HSPH1: variants seen among roughly 807,000 people sequenced by gnomAD.
HSPH1 encodes heat shock protein family H (Hsp110) member 1.
In HSPH1, 40 loss-of-function variants were observed where a neutral mutation model predicts 100.0. The observed-to-expected ratio is 0.40, with a 90% confidence interval of 0.31 to 0.52. The LOEUF is 0.52. Ranked by LOEUF, HSPH1 falls within the 20% of genes least tolerant of loss-of-function variation. The pLI, the probability that HSPH1 is intolerant of heterozygous loss-of-function variation, is 0.54. For missense variants in HSPH1, 876 were observed against 1,015.1 expected, an observed-to-expected ratio of 0.86 and a Z score of 1.86; for synonymous variants, 403 against 344.0, an observed-to-expected ratio of 1.17 and a Z score of -1.90.
At position 31,145,604 on chromosome 13, in the gene HSPH1, C is replaced by G; in HGVS notation, c.1543G>C (p.Glu515Gln). 2 of 1,613,564 alleles carry G rather than the reference C, an allele frequency of 1.2e-6. No individual in the cohort carries two copies. The highest frequency in any genetic ancestry group is 1.7e-6 in the Non-Finnish European group (2 of 1,179,738). The change falls in exon 11 of 18, where the codon GAG becomes CAG. Residue 515 changes from glutamate to glutamine, a missense_variant. Coordinates refer to ENST00000320027, the MANE Select transcript of HSPH1 (RefSeq NM_006644.4). Reference protein sequence around the residue: ...ENEMSSEADMECLNQRPPENP... With the variant: ...ENEMSSEADMQCLNQRPPENP... ...TCTGGTGGTCTCTGATTCAGACACT[C>G]CATGTCAGCTTCAGAAGACATTTCA... is the stretch of plus-strand genomic sequence containing the variant.
In HSPH1 at chr13:31,161,541, G is replaced by A; in HGVS notation, c.42C>T (p.Tyr14=). The A allele has an allele frequency of 6.2e-7, 1 of 1,613,966 alleles. No homozygotes were observed. The highest frequency in any genetic ancestry group is 1.1e-5 in the South Asian group (1 of 91,082). The change falls in exon 1 of 18, where the codon TAC becomes TAT. Residue 14 remains tyrosine, a synonymous_variant. Transcript: ENST00000320027. The stretch of plus-strand genomic sequence containing the variant: ...TGCCCCCGGCCCGGGCTACCGCGAT[G>A]TAGCAGCTCTGCGAGCCCACGTCCA... ...VGLDVGSQSC[Y]IAVARAGGIE... is the part of the protein sequence containing the mutation.
chr13:31,162,121 A>G, upstream of HSPH1: 1 of 1,534,320 alleles, frequency 6.5e-7, no homozygotes, highest in Non-Finnish European at 8.7e-7. Context: ...CTCCCGTGCC[A>G]TTGGCTCAAA....
chr13:31,146,038 G>A (rs1956255383), intron 10 of HSPH1, among the ~76,000 whole-genome samples: 1 of 152,126 alleles, frequency 6.6e-6, no homozygotes, highest in South Asian at 2.1e-4. Context: ...AGGAGTCTGA[G>A]GCGGGAGGAC....
intron 10 of HSPH1, among the ~76,000 whole-genome samples, chr13:31,146,759 C>T (rs529619719): frequency 1.3e-5 from 2 of 152,234 alleles, no homozygotes; most frequent in South Asian, 2.1e-4. Flanking sequence ...GGATTAAGTA[C>T]AGTGAGCACT....
intron 12 of HSPH1, among the ~76,000 whole-genome samples, chr13:31,142,788 G>C (rs1250724781): frequency 6.6e-6 from 1 of 152,046 alleles, no homozygotes; most frequent in African/African-American, 2.4e-5. Context: ...CAGGTACTAA[G>C]ACTATCGGCA....
Position 31,145,947 on chromosome 13 carries a change from T to C in HSPH1, c.1379-179A>G, listed in dbSNP as rs182958907. Among the ~76,000 whole-genome samples the C allele has an allele frequency of 3.9e-4, 59 of 151,986 alleles. 1 individual carries two copies. Among genetic ancestry groups the C allele is most frequent in the Non-Finnish European group, 2.4e-4 (16 of 67,984 alleles). On this transcript the variant is annotated intron_variant, in intron 10 of 17. Transcript: ENST00000320027. Reference sequence around the variant, plus strand: ...CCTGGGCAAGATAGTGAGATCTGTCTCTACAAAAAAAATACAAATTAAAAA... The same window carrying C: ...CCTGGGCAAGATAGTGAGATCTGTCCCTACAAAAAAAATACAAATTAAAAA...
rs1375683306 is a variant in HSPH1, at chr13:31,161,723, G to A, written c.-141C>T. ...CTGGCCGTTCCTCTGACACTCAGAA[G>A]GACACACAGACAGCCGCGGCCTGTC... is the stretch of plus-strand genomic sequence containing the variant. On this transcript the variant is annotated 5_prime_UTR_variant, in exon 1 of 18. Coordinates refer to ENST00000320027, the MANE Select transcript of HSPH1 (RefSeq NM_006644.4). The A allele has an allele frequency of 5.9e-6, 9 of 1,535,150 alleles. No individual in the cohort carries two copies. The highest frequency in any genetic ancestry group is 7.8e-6 in the Non-Finnish European group (9 of 1,146,778).
rs34646240 is a variant in HSPH1, at chr13:31,156,564, C to CAAA, written c.166-913_166-911dup. On this transcript the variant is annotated intron_variant, in intron 2 of 17. Transcript: ENST00000320027. ...GGGTAACAAGGGTGAAACTCATTCT[C>CAAA]AAAAAAAAAAAAAATTAAAGTTAAT... is the stretch of plus-strand genomic sequence containing the variant. Among the ~76,000 whole-genome samples, 56 of 142,706 alleles carry CAAA rather than the reference C, an allele frequency of 3.9e-4. 2 individuals are homozygous for CAAA. The highest frequency in any genetic ancestry group is 1.4e-3 in the African/African-American group (53 of 38,736). The allele number at this position is 142,706 out of a possible 152,430, so 93.6% of individuals were successfully genotyped here. A position where few individuals can be genotyped will look rare whatever the true frequency, so the allele number is the denominator to read the frequency against.
chr13:31,136,330 T>A lies in HSPH1; in HGVS notation c.*988A>T, dbSNP rs756309728. 1.3e-5 allele frequency: 2 copies of A among 152,164 alleles called. No individual in the cohort carries two copies. Among genetic ancestry groups the A allele is most frequent in the Non-Finnish European group, 2.9e-5 (2 of 68,028 alleles). 9.4% of individuals were successfully genotyped at this position (152,164 alleles called of 1,614,324 possible). ...GCCTACAGCACTATAACATAGACAC[T>A]CACACAAATATACCCCCATCATTAG... On this transcript the variant is annotated 3_prime_UTR_variant, in exon 18 of 18. Transcript: ENST00000320027.
Position 31,143,879 on chromosome 13 carries a change from C to T in HSPH1, c.1629G>A (p.Gln543=). 6.2e-7 allele frequency: 1 copy of T among 1,610,624 alleles called. No homozygotes were observed. Among genetic ancestry groups the T allele is most frequent in the Non-Finnish European group, 8.5e-7 (1 of 1,178,190 alleles). The change falls in exon 12 of 18, where the codon CAG becomes CAA. Residue 543 remains glutamine (Q), a synonymous_variant. Coordinates refer to ENST00000320027, the MANE Select transcript of HSPH1 (RefSeq NM_006644.4). ...AGGTTTGTTGAGCATCAGTTTGTAC[C>T]TGGGGCTGTGTTCCAGCTTCACTGT... ...QDNSEAGTQP[Q]VQTDAQQTSQ... is the part of the protein sequence containing the mutation.
At chr13:31,144,681 C>CA (rs891407067) in intron 11 of HSPH1, among the ~76,000 whole-genome samples, 1 of 152,070 alleles carries the variant, frequency 6.6e-6, no homozygotes, top group African/African-American at 2.4e-5. Flanking sequence ...TGAACTCTCT[C>CA]ATATTTTTCT....
chr13:31,152,838 T>C lies in HSPH1; in HGVS notation c.529+14A>G. 6.5e-7 allele frequency: 1 copy of C among 1,544,528 alleles called. No individual in the cohort carries two copies. The highest frequency in any genetic ancestry group is 9.0e-7 in the Non-Finnish European group (1 of 1,116,972). On this transcript the variant is annotated intron_variant, in intron 5 of 17. Transcript: ENST00000320027. ...GATAGTATATTCACTTCCACACAAA[T>C]GCCTTTTCCTTACCAGCTGTCATGT... is the stretch of plus-strand genomic sequence containing the variant.
At chr13:31,156,207 G>C (rs1314448356) in intron 2 of HSPH1, among the ~76,000 whole-genome samples, 1 of 152,124 alleles carries the variant, frequency 6.6e-6, no homozygotes, top group Non-Finnish European at 1.5e-5. Context: ...TGGCTAACAC[G>C]GTGAAACCCC....
intron 5 of HSPH1, chr13:31,152,220 T>C (rs1296265901): frequency 6.6e-6 from 1 of 152,558 alleles, no homozygotes; most frequent in African/African-American, 2.4e-5. Flanking sequence ...TAAACATGTA[T>C]ACCTAAAAAC....
intron 5 of HSPH1, chr13:31,152,027 T>G (rs1428677639): frequency 1.1e-5 from 3 of 276,996 alleles, no homozygotes; most frequent in African/African-American, 2.2e-5. Context: ...TCACAGACAG[T>G]ATCAGACTCA....
At position 31,137,446 on chromosome 13, in the gene HSPH1, T is replaced by G; in HGVS notation, c.2449A>C (p.Asn817His). 1 of 1,613,756 alleles carries G rather than the reference T, an allele frequency of 6.2e-7. No homozygotes were observed. The highest frequency in any genetic ancestry group is 8.5e-7 in the Non-Finnish European group (1 of 1,179,744). ...IESPKLERTP[N>H]GPNIDKKEED... ...TCCTTTTTATCAATATTTGGGCCAT[T>G]TGGAGTTCTTTCCAGTTTGGGTGAT... The change falls in exon 18 of 18, where the codon AAT becomes CAT. Residue 817 changes from asparagine to histidine, a missense_variant. By Grantham distance (68) the Asn-to-His change is moderately conservative. Coordinates refer to ENST00000320027, the MANE Select transcript of HSPH1 (RefSeq NM_006644.4).
Position 31,154,768 on chromosome 13 carries a change from G to A in HSPH1, c.307-13C>T, listed in dbSNP as rs1235968757. 3 of 1,603,520 alleles carry A rather than the reference G, an allele frequency of 1.9e-6. No individual in the cohort carries two copies. Among genetic ancestry groups the A allele is most frequent in the African/African-American group, 1.3e-5 (1 of 74,204 alleles). On this transcript the variant is annotated splice_polypyrimidine_tract_variant and intron_variant, in intron 3 of 17. Transcript: ENST00000320027. The stretch of plus-strand genomic sequence containing the variant: ...CCATGTACATTACCTATATTGAAGG[G>A]AAAAAATGTTTTAAACATTGTAGTA...
intron 14 of HSPH1, 119 bp downstream of exon 14, chr13:31,140,065 T>C (rs1956032936): frequency 3.0e-6 from 3 of 1,005,938 alleles, no homozygotes; most frequent in Non-Finnish European, 4.3e-6. Context: ...AACTTTGTTT[T>C]CTGTTTCTAA....
At chr13:31,151,783 TTCTTAGGAA>T (rs1311336557) in intron 5 of HSPH1, 41 bp from the exon 6 acceptor site, 1 of 1,548,660 alleles carries the variant, frequency 6.5e-7, no homozygotes, top group African/African-American at 1.4e-5. Flanking sequence ...GGTTCACATT[TTCTTAGGAA>T]TCTCACTGTT....
Sources: allele counts gnomAD v4.1 joint callset (sites outside exome capture counted in the v4.1 genomes callset), GRCh38; gene constraint gnomAD v4.1.1; transcripts MANE v1.5; gene names NCBI Gene and HGNC (gene_info 2026-07-23, HGNC 2026-07-21).